Variants in CFTR observed in about 807,000 individuals in gnomAD.
CFTR encodes the protein cystic fibrosis transmembrane conductance regulator.
CFTR carries 181 observed loss-of-function variants against 171.6 expected under a neutral mutation model. The ratio of observed to expected loss-of-function variants is 1.05; its 90% CI spans 0.93 to 1.19. The LOEUF is 1.19. Ranked by LOEUF, CFTR falls within the 50% of genes most tolerant of loss-of-function variation. CFTR has a pLI of 0.00. For missense variants in CFTR, 1,968 were observed against 1,734.7 expected, an observed-to-expected ratio of 1.13 and a Z score of -2.39; for synonymous variants, 583 against 608.0, an observed-to-expected ratio of 0.96 and a Z score of 0.60.
intron 3 of CFTR, 127 bp downstream of exon 3, chr7:117,509,269 A>G: frequency 1.4e-6 from 1 of 691,914 alleles, no homozygotes; most frequent in Non-Finnish European, 2.6e-6. Flanking sequence ...TCCAAACACT[A>G]AGAAACCACC....
chr7:117,648,857 G>A (rs1364298345), intron 23 of CFTR, among the ~76,000 whole-genome samples: 1 of 152,120 alleles, frequency 6.6e-6, no homozygotes. Context: ...ATACCTAATT[G>A]TATGAAATTG....
intron 18 of CFTR, among the ~76,000 whole-genome samples, chr7:117,609,695 G>A (rs1021837232): frequency 3.3e-5 from 5 of 152,094 alleles, no homozygotes; most frequent in East Asian, 1.9e-4. Context: ...ACTCCAAGAC[G>A]AATGCCCAGC....
Position 117,562,774 on chromosome 7 carries a change from T to C in CFTR, c.1584+3119T>C, listed in dbSNP as rs570889870. On this transcript the variant is annotated intron_variant, in intron 11 of 26. Transcript: ENST00000003084. ...CACTACAGAAGCCTAGCTGATGGCT[T>C]TTAGCCTGGCTAGACAGTTCAGGAT... Among the ~76,000 whole-genome samples the C allele has an allele frequency of 3.3e-5, 5 of 152,280 alleles. No individual in the cohort carries two copies. In the East Asian group the frequency reaches 9.6e-4, roughly 29 times the overall value.
chr7:117,667,190 G>A lies in CFTR; in HGVS notation c.*82G>A, dbSNP rs975784558. 1.5e-5 allele frequency: 18 copies of A among 1,238,256 alleles called. No individual in the cohort carries two copies. Among genetic ancestry groups the A allele is most frequent in the Middle Eastern group, 2.3e-4 (1 of 4,402 alleles). The allele number at this position is 1,238,256 out of a possible 1,614,324, so 76.7% of individuals were successfully genotyped here. A position where few individuals can be genotyped will look rare whatever the true frequency, so the allele number is the denominator to read the frequency against. On this transcript the variant is annotated 3_prime_UTR_variant, in exon 27 of 27. Coordinates refer to ENST00000003084, the MANE Select transcript of CFTR (RefSeq NM_000492.4). ...CAGTCACCTCATGGAATTGGAGCTCGTGGAACAGTTACCTCTGCCTCAGAA... is the reference window on the plus strand; with the variant it reads ...CAGTCACCTCATGGAATTGGAGCTCATGGAACAGTTACCTCTGCCTCAGAA...
At chr7:117,638,090 A>G (rs1388957720) in intron 22 of CFTR, among the ~76,000 whole-genome samples, 1 of 152,032 alleles carries the variant, frequency 6.6e-6, no homozygotes, top group African/African-American at 2.4e-5. Context: ...AGGTTTTCCT[A>G]CCCTACTACT....
At chr7:117,480,561 C>G (rs1454435845) in intron 1 of CFTR, among the ~76,000 whole-genome samples, 2 of 152,066 alleles carry the variant, frequency 1.3e-5, no homozygotes, top group African/African-American at 4.8e-5. Flanking sequence ...ATAGTAAGTG[C>G]TCAGAAAACA....
At chr7:117,562,404 G>T (rs184099097) in intron 11 of CFTR, among the ~76,000 whole-genome samples, 12 of 152,252 alleles carry the variant, frequency 7.9e-5, no homozygotes, top group Admixed American at 3.3e-4. Context: ...TAATTATAAA[G>T]ATGGTCACTT....
At chr7:117,511,259 C>T (rs1798512907) in intron 3 of CFTR, among the ~76,000 whole-genome samples, 1 of 152,096 alleles carries the variant, frequency 6.6e-6, no homozygotes, top group South Asian at 2.1e-4. Context: ...TTACTTATAC[C>T]TGGGGGAGGA....
intron 11 of CFTR, among the ~76,000 whole-genome samples, chr7:117,579,224 C>A (rs1791816151): frequency 6.6e-6 from 1 of 151,800 alleles, no homozygotes; most frequent in Non-Finnish European, 1.5e-5. Flanking sequence ...AAAATAAGAT[C>A]TGGATGAATA....
chr7:117,666,762 T>C, intron 26 of CFTR, 146 bp from the exon 27 acceptor site: 1 of 734,120 alleles, frequency 1.4e-6, no homozygotes, highest in Non-Finnish European at 2.5e-6. Flanking sequence ...AGCAGTTAAA[T>C]GTGACATACC....
intron 1 of CFTR, among the ~76,000 whole-genome samples, chr7:117,490,555 C>A (rs1798145449): frequency 6.6e-6 from 1 of 151,904 alleles, no homozygotes; most frequent in Non-Finnish European, 1.5e-5. Flanking sequence ...ATGAAGTTCA[C>A]CTTTATTAGT....
chr7:117,615,610 C>G (rs1260545058), intron 21 of CFTR, among the ~76,000 whole-genome samples: 1 of 151,518 alleles, frequency 6.6e-6, no homozygotes, highest in Non-Finnish European at 1.5e-5. Context: ...TTAGTGTGTA[C>G]AAAGACCACA....
intron 11 of CFTR, among the ~76,000 whole-genome samples, chr7:117,568,618 A>C (rs1248494414): frequency 6.6e-6 from 1 of 152,212 alleles, no homozygotes; most frequent in Non-Finnish European, 1.5e-5. Context: ...TTAAGGTATA[A>C]TGGACAACAA....
At chr7:117,492,146 TAGGA>T (rs1798169337) in intron 1 of CFTR, among the ~76,000 whole-genome samples, 1 of 151,958 alleles carries the variant, frequency 6.6e-6, no homozygotes, top group African/African-American at 2.4e-5. Flanking sequence ...AGGCCAAACT[TAGGA>T]AGAATATTTT....
At chr7:117,645,992 A>G (rs1241226208) in intron 23 of CFTR, among the ~76,000 whole-genome samples, 4 of 152,164 alleles carry the variant, frequency 2.6e-5, no homozygotes, top group Admixed American at 1.3e-4. Context: ...TAAGAATTCA[A>G]TGTACATTGT....
chr7:117,539,555 A>G (rs1465097081), intron 7 of CFTR, among the ~76,000 whole-genome samples: 2 of 152,106 alleles, frequency 1.3e-5, no homozygotes, highest in Admixed American at 1.3e-4. Context: ...AAGGCTTAAG[A>G]ACCACTTCTC....
intron 11 of CFTR, chr7:117,560,653 T>C (rs1799449446): frequency 6.6e-6 from 1 of 152,104 alleles, no homozygotes; most frequent in Non-Finnish European, 1.5e-5. Flanking sequence ...CAGTTTTTTT[T>C]TTAGAGCCCC....
intron 9 of CFTR, among the ~76,000 whole-genome samples, chr7:117,547,407 T>C (rs12533524): frequency 0.24 from 36,811 of 151,910 alleles, 4,756 homozygotes; most frequent in East Asian, 0.42. Context: ...ATTTATAAAA[T>C]TGGTTCTTAT....
At chr7:117,518,775 TACTC>T (rs1011518746) in intron 3 of CFTR, among the ~76,000 whole-genome samples, 1 of 151,866 alleles carries the variant, frequency 6.6e-6, no homozygotes, top group Non-Finnish European at 1.5e-5. Context: ...AGTGCACAAA[TACTC>T]ATTATTTACA....
Sources: allele counts gnomAD v4.1 joint callset (sites outside exome capture counted in the v4.1 genomes callset), GRCh38; gene constraint gnomAD v4.1.1; transcripts MANE v1.5; gene names NCBI Gene and HGNC (gene_info 2026-07-23, HGNC 2026-07-21).